CARNS1: variants seen among roughly 807,000 people sequenced by gnomAD.
CARNS1 encodes carnosine synthase 1.
In CARNS1, 61 loss-of-function variants were observed where a neutral mutation model predicts 74.0. That is an observed-to-expected ratio of 0.82 (90% CI 0.67 to 1.02). The LOEUF (loss-of-function observed/expected upper bound fraction) is 1.02. Among genes scored for constraint, CARNS1 ranks in the 50% least tolerant of loss-of-function variants. The pLI, the probability that CARNS1 is intolerant of heterozygous loss-of-function variation, is 0.00. For synonymous variants in CARNS1, 568 were observed against 605.5 expected (o/e 0.94, Z 0.91); for missense variants, 1,278 against 1,308.4 (o/e 0.98, Z 0.36).
chr11:67,419,871 G>C, intron 7 of CARNS1, 33 bp downstream of exon 7: 2 of 1,551,610 alleles, frequency 1.3e-6, no homozygotes, highest in South Asian at 1.2e-5. Context: ...CTGTGACCCT[G>C]CCTGCCACAC....
In CARNS1 at chr11:67,418,899, C is replaced by T. The variant is rs751602708; in HGVS notation, c.508C>T (p.Arg170Cys). 89 of 1,595,282 alleles carry T rather than the reference C, an allele frequency of 5.6e-5. No individual in the cohort carries two copies. Among genetic ancestry groups the T allele is most frequent in the Admixed American group, 2.3e-4 (13 of 57,710 alleles). The change falls in exon 5 of 10, where the codon CGC becomes TGC. Residue 170 changes from arginine to cysteine, a missense_variant. Arg to Cys is a radical substitution (Grantham distance 180, BLOSUM62 -3). Coordinates refer to ENST00000687366, the MANE Select transcript of CARNS1 (RefSeq NM_001166222.2). The stretch of plus-strand genomic sequence containing the variant: ...ATTCCTGGATGACTTTGTCCCCCCG[C>T]GCCGTGCCACCTACTTTTTGGCAGG... ...LTFLDDFVPPRRATYFLAGLG... is the reference protein window; with the variant it reads ...LTFLDDFVPPCRATYFLAGLG...
Position 67,423,777 on chromosome 11 carries a change from G to A in CARNS1, c.2029G>A (p.Glu677Lys). ...QVPLPGVMKL[E>K]FGAGAVGVRL... ...ACCCCTGCCAGGTGTCATGAAGCTG[G>A]AGTTCGGGGCAGGTGCAGTGGGTGT... is the stretch of plus-strand genomic sequence containing the variant. The change falls in exon 10 of 10, where the codon GAG becomes AAG. Residue 677 changes from glutamate (E) to lysine (K), a missense_variant. Glu to Lys is a moderately conservative substitution (Grantham distance 56, BLOSUM62 1). This residue lies in a region of CARNS1 where 1,164 missense variants were observed against 1,156.5 expected (regional missense o/e 1.01). Transcript: ENST00000687366. The surrounding 1 kb of genome is among the most constrained non-coding windows in gnomAD (Gnocchi z 5.1). 6.3e-7 allele frequency: 1 copy of A among 1,597,780 alleles called. No homozygotes were observed. Among genetic ancestry groups the A allele is most frequent in the Non-Finnish European group, 8.5e-7 (1 of 1,176,278 alleles).
In CARNS1 at chr11:67,421,146, A is replaced by C; in HGVS notation, c.1553A>C (p.Gln518Pro). The change falls in exon 9 of 10, where the codon CAG (glutamine) becomes CCG (proline). Residue 518 changes from glutamine to proline, a missense_variant. Around this residue, in one of 3 missense-constraint regions of CARNS1, gnomAD observed 1,164 missense variants for 1,156.5 expected, o/e 1.01. Transcript: ENST00000687366. The stretch of plus-strand genomic sequence containing the variant: ...GCGCGCTGCCTCATGGAGGGAAAAC[A>C]GCTGCTGGTGGTCGGCGCTGGCGGC... ...RSARCLMEGK[Q>P]LLVVGAGGVS... The C allele has an allele frequency of 6.7e-7, 1 of 1,491,446 alleles. No individual in the cohort carries two copies. Among genetic ancestry groups the C allele is most frequent in the Non-Finnish European group, 8.9e-7 (1 of 1,127,062 alleles). The allele number at this position is 1,491,446 out of a possible 1,614,324, so 92.4% of individuals were successfully genotyped here. A position where few individuals can be genotyped will look rare whatever the true frequency, so the allele number is the denominator to read the frequency against.
intron 2 of CARNS1, chr11:67,416,923 T>G (rs1863558451): frequency 1.0e-6 from 1 of 987,434 alleles, no homozygotes; most frequent in South Asian, 4.7e-5. Flanking sequence ...GGAATCACAT[T>G]TAGGTGTCAG....
chr11:67,418,137 C>CT (rs1462786038), intron 3 of CARNS1, among the ~76,000 whole-genome samples: 1 of 152,160 alleles, frequency 6.6e-6, no homozygotes, highest in Non-Finnish European at 1.5e-5. Flanking sequence ...GAAACTGAGG[C>CT]TTGGAGGAAC....
intron 9 of CARNS1, 115 bp downstream of exon 9, chr11:67,421,334 T>A: frequency 8.5e-7 from 1 of 1,181,752 alleles, no homozygotes; most frequent in Non-Finnish European, 1.1e-6. Context: ...CCAGCCGCGC[T>A]AGAGGCGGTG....
rs946302814 is a variant in CARNS1, at chr11:67,423,230, T to G, written c.1627-145T>G. ...GTCCCACTTCTGCCCCTTCCATTTA[T>G]TCAGTCAATCCACAACACACATTTA... is the stretch of plus-strand genomic sequence containing the variant. On this transcript the variant is annotated intron_variant, in intron 9 of 9. Transcript: ENST00000687366. This position sits in a 1 kb window ranked among gnomAD's most constrained non-coding sequence, Gnocchi z 5.1. The G allele has an allele frequency of 4.8e-6, 4 of 829,424 alleles. No homozygotes were observed. The African/African-American group carries it at 6.9e-5, about 14-fold the overall frequency. 51.4% of individuals were successfully genotyped at this position (829,424 alleles called of 1,614,324 possible).
chr11:67,415,852 C>G (rs929821166), intron 1 of CARNS1, 89 bp downstream of exon 1: 9 of 190,870 alleles, frequency 4.7e-5, no homozygotes, highest in Non-Finnish European at 8.6e-5. Context: ...CGGGCGCCCG[C>G]TCCCCGCGGC....
Position 67,420,587 on chromosome 11 carries a change from C to T in CARNS1, c.1114-22C>T, listed in dbSNP as rs896961658. 4.1e-6 allele frequency: 5 copies of T among 1,228,006 alleles called. No homozygotes were observed. In the African/African-American group the frequency reaches 6.2e-5, roughly 15 times the overall value. 76.1% of individuals were successfully genotyped at this position (1,228,006 alleles called of 1,614,324 possible). A position where few individuals can be genotyped will look rare whatever the true frequency, so the allele number is the denominator to read the frequency against. On this transcript the variant is annotated intron_variant, in intron 7 of 9. Transcript: ENST00000687366. ...GGGGGCAGGGAGTGTGTGGGCCTCC[C>T]CCTGAGTCTCCCCCTGCCCAGGTGG...
intron 3 of CARNS1, 21 bp from the exon 4 acceptor site, chr11:67,418,408 TGG>T: frequency 7.0e-7 from 1 of 1,432,794 alleles, no homozygotes; most frequent in Non-Finnish European, 9.1e-7. Context: ...CCTGGTGAGC[TGG>T]GCCATGTTCT....
Position 67,424,058 on chromosome 11 carries a change from G to C in CARNS1, c.2310G>C (p.Gly770=). The change falls in exon 10 of 10, where the codon GGG becomes GGC. Residue 770 remains glycine (G), a synonymous_variant. Transcript: ENST00000687366. ...FTETAACMPT[G]LAPEQEAQMV... is the part of the protein sequence containing the mutation. ...AGACGGCGGCCTGCATGCCCACCGG[G>C]CTGGCACCAGAGCAGGAGGCACAGA... is the stretch of plus-strand genomic sequence containing the variant. 2 of 1,613,018 alleles carry C rather than the reference G, an allele frequency of 1.2e-6. No homozygotes were observed. The highest frequency in any genetic ancestry group is 2.2e-5 in the East Asian group (1 of 44,884).
chr11:67,419,471 C>A lies in CARNS1; in HGVS notation c.853-16C>A. 1 of 1,610,830 alleles carries A rather than the reference C, an allele frequency of 6.2e-7. No individual in the cohort carries two copies. Among genetic ancestry groups the A allele is most frequent in the Non-Finnish European group, 8.5e-7 (1 of 1,179,130 alleles). On this transcript the variant is annotated splice_polypyrimidine_tract_variant and intron_variant, in intron 5 of 9. Transcript: ENST00000687366. ...GGGGTGGTGTCCAGGAGGCCCCTTTCCCCTCCTTGCTGCAGGTAGCTGTGA... is the reference window on the plus strand; with the variant it reads ...GGGGTGGTGTCCAGGAGGCCCCTTTACCCTCCTTGCTGCAGGTAGCTGTGA...
rs774158458 is a variant in CARNS1 at position 67,424,173 on chromosome 11, C to T, written c.2425C>T (p.Arg809Trp). The T allele has an allele frequency of 3.2e-5, 52 of 1,613,748 alleles. No individual in the cohort carries two copies. The highest frequency in any genetic ancestry group is 5.3e-5 in the African/African-American group (4 of 74,912). Residue 809 changes from arginine (R) to tryptophan (W), a missense_variant, in exon 10 of 10, where the codon CGG (arginine) becomes TGG (tryptophan). Transcript: ENST00000687366. ...GCTCAAGCTGACCGGGGCTGGGCCT[C>T]GGCTTATCGAGATCAACCCCCGCAT... ...VELKLTGAGP[R>W]LIEINPRMGG...
chr11:67,417,855 T>C (rs981602278), intron 3 of CARNS1, among the ~76,000 whole-genome samples, 178 bp downstream of exon 3: 1 of 152,158 alleles, frequency 6.6e-6, no homozygotes, highest in African/African-American at 2.4e-5. Flanking sequence ...CAAGGGCATC[T>C]GGCACCAGTG....
chr11:67,418,422 T>C lies in CARNS1; in HGVS notation c.275-9T>C. On this transcript the variant is annotated splice_polypyrimidine_tract_variant and intron_variant, in intron 3 of 9. Transcript: ENST00000687366. ...CCCTGGTGAGCTGGGCCATGTTCTC[T>C]TTCCCGAGGCTGTCCTGGGGCGGAG... is the stretch of plus-strand genomic sequence containing the variant. The C allele has an allele frequency of 4.2e-6, 6 of 1,441,690 alleles. No individual in the cohort carries two copies. Among genetic ancestry groups the C allele is most frequent in the Non-Finnish European group, 5.4e-6 (6 of 1,101,238 alleles). The allele number at this position is 1,441,690 out of a possible 1,614,324, so 89.3% of individuals were successfully genotyped here.
At chr11:67,416,765 TCA>T (rs138661658) in intron 2 of CARNS1, 12,650 of 986,348 alleles carry the variant, frequency 0.013, 120 homozygotes, top group East Asian at 0.05. Flanking sequence ...GGCGCCAGCC[TCA>T]GAGAGGGGAG....
chr11:67,417,597 A>T lies in CARNS1; in HGVS notation c.194A>T (p.Tyr65Phe). The T allele has an allele frequency of 9.1e-6, 12 of 1,323,712 alleles. No individual in the cohort carries two copies. The highest frequency in any genetic ancestry group is 1.1e-5 in the Non-Finnish European group (11 of 1,035,922). The allele number at this position is 1,323,712 out of a possible 1,614,324, so 82.0% of individuals were successfully genotyped here. ...EGAEARAWTVYYYSLLQSCLQ... is the reference protein window; with the variant it reads ...EGAEARAWTVFYYSLLQSCLQ... ...GCCGAGGCCCGGGCTTGGACTGTCT[A>T]CTACTACAGCCTCCTGCAGAGCTGT... The change falls in exon 3 of 10, where the codon TAC becomes TTC. Residue 65 changes from tyrosine to phenylalanine, a missense_variant. By Grantham distance (22) the Tyr-to-Phe change is conservative. Around this residue, in one of 3 missense-constraint regions of CARNS1, gnomAD observed 104 missense variants for 127.3 expected, o/e 0.82. Coordinates refer to ENST00000687366, the MANE Select transcript of CARNS1 (RefSeq NM_001166222.2).
At chr11:67,418,568 C>T (rs1005181542) in intron 4 of CARNS1, 48 bp downstream of exon 4, 1 of 1,489,572 alleles carries the variant, frequency 6.7e-7, no homozygotes, top group Non-Finnish European at 9.0e-7. Flanking sequence ...GAAAGGGCAG[C>T]CCTGCCCTGG....
rs1438532508 is a variant in CARNS1 at position 67,420,974 on chromosome 11, C to T, written c.1381C>T (p.Leu461=). 7.0e-7 allele frequency: 1 copy of T among 1,429,324 alleles called. No homozygotes were observed. The highest frequency in any genetic ancestry group is 2.7e-5 in the Admixed American group (1 of 36,808). 88.5% of individuals were successfully genotyped at this position (1,429,324 alleles called of 1,614,324 possible). A position where few individuals can be genotyped will look rare whatever the true frequency, so the allele number is the denominator to read the frequency against. Residue 461 remains leucine (L), a synonymous_variant, in exon 9 of 10, where the codon CTG becomes TTG. Coordinates refer to ENST00000687366, the MANE Select transcript of CARNS1 (RefSeq NM_001166222.2). ...DFALTAAGGV[L]TPVALELNGG... is the part of the protein sequence containing the mutation. Reference sequence around the variant, plus strand: ...CGCGCTGACAGCGGCCGGCGGCGTGCTGACCCCAGTGGCCCTGGAGCTGAA... The same window carrying T: ...CGCGCTGACAGCGGCCGGCGGCGTGTTGACCCCAGTGGCCCTGGAGCTGAA...
Sources: gnomAD v4.1 joint callset for allele counts (sites outside exome capture counted in the v4.1 genomes callset) on GRCh38, gnomAD v4.1.1 for gene constraint, gnomAD v4.1.1 regional missense constraint, Gnocchi (gnomAD v3.1) non-coding constraint, MANE v1.5 for transcripts, NCBI Gene and HGNC (gene_info 2026-07-23, HGNC 2026-07-21) for gene names.